The following EPHA6 variants were observed in gnomAD, a reference collection of about 807,000 sequenced individuals.
EPHA6 encodes ephrin type-A receptor 6.
EPHA6 carries 50 observed loss-of-function variants against 112.0 expected under a neutral mutation model. The ratio of observed to expected loss-of-function variants is 0.45; its 90% CI spans 0.36 to 0.56. The LOEUF is 0.56. Among genes scored for constraint, EPHA6 ranks in the 20% least tolerant of loss-of-function variants. The pLI, the probability that EPHA6 is intolerant of heterozygous loss-of-function variation, is 0.00. For missense variants in EPHA6, 1,280 were observed against 1,417.4 expected, an observed-to-expected ratio of 0.90 and a Z score of 1.56; for synonymous variants, 529 against 490.7, an observed-to-expected ratio of 1.08 and a Z score of -1.03.
intron 3 of EPHA6, among the ~76,000 whole-genome samples, chr3:97,091,044 A>G (rs1347229998): frequency 1.3e-5 from 2 of 152,088 alleles, no homozygotes; most frequent in African/African-American, 4.8e-5. Context: ...TTCTATGTGT[A>G]TTAATTTTCA....
At chr3:97,651,433 A>G (rs1171376549) in intron 14 of EPHA6, among the ~76,000 whole-genome samples, 3 of 152,090 alleles carry the variant, frequency 2.0e-5, no homozygotes, top group African/African-American at 7.2e-5. Flanking sequence ...GGATATCTAT[A>G]GCCTGGATAA....
chr3:97,752,162 T>C lies in EPHA6; in HGVS notation c.*3461T>C, dbSNP rs2035919512. ...CATTGGTCTTTAAAATCTATCAAAG[T>C]ATAACCTGAATAAAACTGCCTTCCA... On this transcript the variant is annotated 3_prime_UTR_variant, in exon 18 of 18. Coordinates refer to ENST00000389672, the MANE Select transcript of EPHA6 (RefSeq NM_001080448.3). 4.5e-6 allele frequency: 1 copy of C among 223,350 alleles called. No individual in the cohort carries two copies. Among genetic ancestry groups the C allele is most frequent in the Non-Finnish European group, 8.9e-6 (1 of 111,958 alleles). The allele number at this position is 223,350 out of a possible 1,614,324, so 13.8% of individuals were successfully genotyped here.
intron 14 of EPHA6, among the ~76,000 whole-genome samples, chr3:97,673,704 C>T (rs1015413929): frequency 6.6e-6 from 1 of 152,134 alleles, no homozygotes; most frequent in Non-Finnish European, 1.5e-5. Context: ...GGCCATTGAC[C>T]AAGTCCATCT....
chr3:97,456,410 T>G (rs1157822761), intron 7 of EPHA6, among the ~76,000 whole-genome samples: 1 of 152,078 alleles, frequency 6.6e-6, no homozygotes, highest in East Asian at 1.9e-4. Flanking sequence ...TGACTAATAT[T>G]TCCCCATTTC....
At chr3:97,096,039 C>T (rs183678321) in intron 3 of EPHA6, among the ~76,000 whole-genome samples, 10 of 152,048 alleles carry the variant, frequency 6.6e-5, no homozygotes, top group African/African-American at 2.4e-4. Flanking sequence ...GTGGATAAGA[C>T]ACATAGGACT....
intron 3 of EPHA6, among the ~76,000 whole-genome samples, chr3:97,015,922 C>A (rs1449787579): frequency 1.3e-5 from 2 of 151,834 alleles, no homozygotes; most frequent in African/African-American, 4.8e-5. Flanking sequence ...TAAGGAAAAT[C>A]AGTGTTTTTA....
intron 1 of EPHA6, among the ~76,000 whole-genome samples, chr3:96,816,984 T>C (rs1160116369): frequency 6.6e-6 from 1 of 152,018 alleles, no homozygotes; most frequent in Non-Finnish European, 1.5e-5. Context: ...CTAAACTTAG[T>C]GAATGAGTAT....
chr3:97,375,590 G>A (rs888356083), intron 5 of EPHA6, among the ~76,000 whole-genome samples: 15 of 152,086 alleles, frequency 9.9e-5, no homozygotes, highest in South Asian at 8.3e-4. Context: ...GAAGAAAAAC[G>A]GTCAGTGCAT....
At chr3:96,852,817 G>T (rs2035475469) in intron 1 of EPHA6, among the ~76,000 whole-genome samples, 1 of 152,010 alleles carries the variant, frequency 6.6e-6, no homozygotes, top group Admixed American at 6.6e-5. Context: ...CTGGGATTGG[G>T]ACCTTGGACA....
intron 11 of EPHA6, among the ~76,000 whole-genome samples, chr3:97,571,312 G>T (rs2093330543): frequency 6.6e-6 from 1 of 151,822 alleles, no homozygotes. Flanking sequence ...GCCAGAGGTG[G>T]CATGGTAGAA....
At chr3:97,203,988 A>G (rs1193808757) in intron 3 of EPHA6, among the ~76,000 whole-genome samples, 2 of 152,162 alleles carry the variant, frequency 1.3e-5, no homozygotes, top group African/African-American at 2.4e-5. Context: ...TATAAAAATA[A>G]TAAATGAAAA....
At chr3:96,935,425 T>C (rs949689737) in intron 2 of EPHA6, among the ~76,000 whole-genome samples, 1 of 151,272 alleles carries the variant, frequency 6.6e-6, no homozygotes, top group Non-Finnish European at 1.5e-5. Flanking sequence ...TTAACTATTA[T>C]ATGAATATAT....
At chr3:97,209,924 T>A (rs542773317) in intron 3 of EPHA6, among the ~76,000 whole-genome samples, 1 of 152,186 alleles carries the variant, frequency 6.6e-6, no homozygotes, top group Non-Finnish European at 1.5e-5. Flanking sequence ...TCTTACTTAT[T>A]TTTTACAGAA....
chr3:97,258,342 A>G (rs2079387392), intron 5 of EPHA6, among the ~76,000 whole-genome samples: 1 of 151,910 alleles, frequency 6.6e-6, no homozygotes, highest in Admixed American at 6.6e-5. Flanking sequence ...AACCTTTTAA[A>G]ATTTCAATGT....
At chr3:97,686,928 A>G (rs1180472106) in intron 14 of EPHA6, among the ~76,000 whole-genome samples, 2 of 152,068 alleles carry the variant, frequency 1.3e-5, no homozygotes, top group African/African-American at 2.4e-5. Context: ...AATATCTCCC[A>G]TATTTTGTGG....
intron 6 of EPHA6, among the ~76,000 whole-genome samples, chr3:97,406,585 A>G (rs967870390): frequency 1.3e-5 from 2 of 152,204 alleles, no homozygotes; most frequent in Admixed American, 6.6e-5. Context: ...GACATTAACC[A>G]TAACACATAC....
chr3:96,822,852 A>G (rs983028515), intron 1 of EPHA6, among the ~76,000 whole-genome samples: 12 of 151,580 alleles, frequency 7.9e-5, no homozygotes, highest in Non-Finnish European at 1.5e-4. Flanking sequence ...TGTATAGAGT[A>G]TAACACCTAG....
intron 5 of EPHA6, among the ~76,000 whole-genome samples, chr3:97,281,456 A>G (rs371956752): frequency 3.9e-5 from 6 of 152,240 alleles, no homozygotes; most frequent in African/African-American, 1.4e-4. Context: ...GATATTTTTC[A>G]TACTGCTAAG....
intron 2 of EPHA6, among the ~76,000 whole-genome samples, chr3:96,884,816 A>G (rs1395009755): frequency 1.3e-5 from 2 of 152,118 alleles, no homozygotes; most frequent in East Asian, 3.9e-4. Flanking sequence ...CTCAGAGGGA[A>G]TGCTTTCAAC....
Sources: gnomAD v4.1 joint callset for allele counts (sites outside exome capture counted in the v4.1 genomes callset) on GRCh38, gnomAD v4.1.1 for gene constraint, MANE v1.5 for transcripts, NCBI Gene and HGNC (gene_info 2026-07-23, HGNC 2026-07-21) for gene names.